The following GALNT14 variants were observed in gnomAD, a reference collection of about 807,000 sequenced individuals.
GALNT14 encodes the protein UDP-GalNAc:polypeptide N-acetylgalactosaminyltransferase 14.
In GALNT14, 60 loss-of-function variants were observed where a neutral mutation model predicts 77.5. That is an observed-to-expected ratio of 0.77 (90% confidence interval 0.63 to 0.96). The LOEUF is 0.96. GALNT14 is among the 40% of genes least tolerant of loss of function. The pLI is 0.00. For missense variants in GALNT14, 710 were observed against 731.0 expected, an observed-to-expected ratio of 0.97 and a Z score of 0.33; for synonymous variants, 280 against 281.7, an observed-to-expected ratio of 0.99 and a Z score of 0.06.
At chr2:30,973,057 C>T (rs1668455843) in intron 2 of GALNT14, among the ~76,000 whole-genome samples, 1 of 152,186 alleles carries the variant, frequency 6.6e-6, no homozygotes, top group African/African-American at 2.4e-5. Context: ...GAGGCCAGAG[C>T]CACAAAGAGA....
At chr2:31,060,169 G>A (rs1337373495) in intron 1 of GALNT14, among the ~76,000 whole-genome samples, 1 of 152,184 alleles carries the variant, frequency 6.6e-6, no homozygotes, top group African/African-American at 2.4e-5. Flanking sequence ...GAGGAAACCA[G>A]TACCCCAGCC....
At chr2:31,130,954 A>G (rs1229976801) in intron 1 of GALNT14, among the ~76,000 whole-genome samples, 3 of 152,172 alleles carry the variant, frequency 2.0e-5, no homozygotes, top group Non-Finnish European at 2.9e-5. Flanking sequence ...GACACAGAGT[A>G]TCTGTAGTAT....
intron 1 of GALNT14, among the ~76,000 whole-genome samples, chr2:31,119,939 G>A (rs551374619): frequency 0.011 from 816 of 75,670 alleles, 80 homozygotes; most frequent in African/African-American, 0.024. Context: ...GGCGGATCAC[G>A]AGGTCAGGAG....
rs183373384 is a variant in GALNT14, at chr2:30,992,824, G to A, written c.299+14C>T. On this transcript the variant is annotated intron_variant, in intron 2 of 14. Transcript: ENST00000349752. ...TGACTGCGGGGGTAACAGAGTGGGA[G>A]AAGGAGGAAGTACCTCAGATGGCGA... The A allele has an allele frequency of 7.4e-5, 119 of 1,611,448 alleles. No individual in the cohort carries two copies. In the East Asian group the frequency reaches 2.3e-3, roughly 31 times the overall value.
At chr2:31,019,403 T>C (rs1573174145) in intron 1 of GALNT14, among the ~76,000 whole-genome samples, 1 of 152,162 alleles carries the variant, frequency 6.6e-6, no homozygotes, top group African/African-American at 2.4e-5. Context: ...ACCTGACACC[T>C]AACTCACCTG....
At chr2:31,042,061 G>A (rs762824331) in intron 1 of GALNT14, among the ~76,000 whole-genome samples, 2 of 152,142 alleles carry the variant, frequency 1.3e-5, no homozygotes, top group Non-Finnish European at 2.9e-5. Context: ...AGCAGGTATC[G>A]TATGCAGAGA....
chr2:31,071,171 T>C (rs1675338015), intron 1 of GALNT14, among the ~76,000 whole-genome samples: 1 of 152,134 alleles, frequency 6.6e-6, no homozygotes, highest in African/African-American at 2.4e-5. Context: ...GGTGATGGGT[T>C]CACCAACATC....
chr2:31,128,751 C>T (rs1006896274), intron 1 of GALNT14, among the ~76,000 whole-genome samples: 7 of 152,108 alleles, frequency 4.6e-5, no homozygotes, highest in African/African-American at 7.2e-5. Flanking sequence ...CCACTTCTTG[C>T]ACCACCGAGT....
chr2:30,940,652 C>G (rs1666321908), intron 9 of GALNT14, among the ~76,000 whole-genome samples: 1 of 152,114 alleles, frequency 6.6e-6, no homozygotes, highest in Non-Finnish European at 1.5e-5. Flanking sequence ...ATAAGAAATA[C>G]TGAGGTTGTC....
At chr2:30,990,675 C>T (rs1669640682) in intron 2 of GALNT14, among the ~76,000 whole-genome samples, 2 of 152,184 alleles carry the variant, frequency 1.3e-5, no homozygotes, top group African/African-American at 4.8e-5. Context: ...GATCTATATC[C>T]CTAGATGGCT....
chr2:30,998,831 G>T (rs1183421163), intron 1 of GALNT14, among the ~76,000 whole-genome samples: 1 of 152,160 alleles, frequency 6.6e-6, no homozygotes, highest in Non-Finnish European at 1.5e-5. Context: ...CAGCCTCACT[G>T]CCATTTTCTT....
chr2:30,942,075 G>C, intron 9 of GALNT14, 126 bp downstream of exon 9: 1 of 638,466 alleles, frequency 1.6e-6, no homozygotes, highest in Non-Finnish European at 2.8e-6. Flanking sequence ...CATCTCCCAG[G>C]ACCTCATCCA....
chr2:31,097,843 C>T (rs1020345860), intron 1 of GALNT14, among the ~76,000 whole-genome samples: 4 of 152,030 alleles, frequency 2.6e-5, no homozygotes, highest in African/African-American at 9.7e-5. Flanking sequence ...GGGAAAGAAC[C>T]CAGAACTGGC....
At chr2:30,980,820 G>T (rs1377498791) in intron 2 of GALNT14, among the ~76,000 whole-genome samples, 1 of 152,212 alleles carries the variant, frequency 6.6e-6, no homozygotes, top group Non-Finnish European at 1.5e-5. Flanking sequence ...GGTGGCTCAC[G>T]CCTGTAATCC....
rs1229205108 is a variant in GALNT14, at chr2:30,973,941, A to G, written c.300-7639T>C. Among the ~76,000 whole-genome samples the G allele has an allele frequency of 4.6e-5, 7 of 152,206 alleles. No individual in the cohort carries two copies. In the East Asian group the frequency reaches 9.6e-4, roughly 21 times the overall value. On this transcript the variant is annotated intron_variant, in intron 2 of 14. Transcript: ENST00000349752. Reference sequence around the variant, plus strand: ...TTAATTCCAGTGGTCTAGAAAGGGAATAAGTGGGTCAGAATAGAGAAGTGA... The same window carrying G: ...TTAATTCCAGTGGTCTAGAAAGGGAGTAAGTGGGTCAGAATAGAGAAGTGA...
At chr2:30,938,384 A>ACTCTCT (rs1553339835) in intron 9 of GALNT14, among the ~76,000 whole-genome samples, 115 of 141,776 alleles carry the variant, frequency 8.1e-4, no homozygotes, top group African/African-American at 2.7e-3. Context: ...ACACACACAC[A>ACTCTCT]CTCTCTCTCT....
At chr2:31,075,107 C>T (rs1675677105) in intron 1 of GALNT14, among the ~76,000 whole-genome samples, 1 of 152,202 alleles carries the variant, frequency 6.6e-6, no homozygotes, top group South Asian at 2.1e-4. Flanking sequence ...TCTGAGTTCA[C>T]ACAAGATCTG....
chr2:31,076,034 G>A (rs2148574307), intron 1 of GALNT14, among the ~76,000 whole-genome samples: 1 of 152,298 alleles, frequency 6.6e-6, no homozygotes, highest in East Asian at 1.9e-4. Context: ...CGTCTACCTG[G>A]TCAGAAGCTG....
At chr2:31,087,536 A>AGAGGAGAAGAG (rs1160670621) in intron 1 of GALNT14, among the ~76,000 whole-genome samples, 10 of 150,416 alleles carry the variant, frequency 6.6e-5, no homozygotes, top group South Asian at 2.1e-4. Context: ...CGAGGAGAGG[A>AGAGGAGAAGAG]AGACCTCTAG....
Sources: allele counts gnomAD v4.1 joint callset (sites outside exome capture counted in the v4.1 genomes callset), GRCh38; gene constraint gnomAD v4.1.1; transcripts MANE v1.5; gene names NCBI Gene and HGNC (gene_info 2026-07-23, HGNC 2026-07-21).